The following AFP variants were observed in gnomAD, a reference collection of about 807,000 sequenced individuals.
AFP encodes alpha fetoprotein.
AFP carries 64 observed loss-of-function variants against 78.9 expected under a neutral mutation model. The ratio of observed to expected loss-of-function variants is 0.81; its 90% CI spans 0.66 to 1.00. AFP has a LOEUF of 1.00. Among genes scored for constraint, AFP ranks in the 50% least tolerant of loss-of-function variants. The pLI is 0.00. For missense variants in AFP, 689 were observed against 703.8 expected, an observed-to-expected ratio of 0.98 and a Z score of 0.24; for synonymous variants, 254 against 243.8, an observed-to-expected ratio of 1.04 and a Z score of -0.39.
intron 7 of AFP, among the ~76,000 whole-genome samples, chr4:73,445,479 T>C (rs1306561632): frequency 4.6e-5 from 7 of 152,228 alleles, no homozygotes; most frequent in East Asian, 3.8e-4. Context: ...CAAATAAATA[T>C]ATATTAAATA....
At chr4:73,442,237 G>A (rs556691548) in intron 4 of AFP, 59 bp from the exon 5 acceptor site, 8 of 1,506,238 alleles carry the variant, frequency 5.3e-6, no homozygotes, top group Non-Finnish European at 7.3e-6. Context: ...CCAGTTCCAA[G>A]CAGTAGTAGT....
chr4:73,438,430 G>T, intron 3 of AFP, 124 bp downstream of exon 3: 1 of 1,123,414 alleles, frequency 8.9e-7, no homozygotes, highest in Non-Finnish European at 1.3e-6. Flanking sequence ...TATGAAAGAG[G>T]GATTAGATTC....
At chr4:73,450,921 C>T (rs540222065) in intron 11 of AFP, among the ~76,000 whole-genome samples, 168 bp downstream of exon 11, 11 of 152,208 alleles carry the variant, frequency 7.2e-5, no homozygotes, top group Admixed American at 2.0e-4. Flanking sequence ...CTCTGGATGG[C>T]TGGCATGTGG....
At position 73,443,424 on chromosome 4, in the gene AFP, G is replaced by T. The variant is rs771479681; in HGVS notation, c.693G>T (p.Gly231=). The part of the protein sequence containing the change: ...QHACAVMKNF[G]TRTFQAITVT... ...CATGTGCAGTAATGAAAAATTTTGG[G>T]ACCCGAACTTTCCAAGCCATGTAAG... Residue 231 remains glycine, a synonymous_variant, in exon 6 of 15, where the codon GGG becomes GGT. Transcript: ENST00000395792. 5.6e-6 allele frequency: 9 copies of T among 1,612,044 alleles called. No homozygotes were observed. In the East Asian group the frequency reaches 2.0e-4, roughly 36 times the overall value.
chr4:73,447,403 T>G, intron 7 of AFP, 59 bp from the exon 8 acceptor site: 6 of 1,335,330 alleles, frequency 4.5e-6, no homozygotes, highest in African/African-American at 1.5e-5. Context: ...AAGCTGGCTT[T>G]GAGATCCTTT....
chr4:73,454,800 T>A (rs1429381857), intron 13 of AFP, among the ~76,000 whole-genome samples: 2 of 152,110 alleles, frequency 1.3e-5, no homozygotes, highest in East Asian at 3.8e-4. Context: ...GGGTGGGACA[T>A]AGATAACCAA....
intron 12 of AFP, among the ~76,000 whole-genome samples, chr4:73,453,139 T>C (rs982005956): frequency 1.3e-5 from 2 of 152,238 alleles, no homozygotes; most frequent in African/African-American, 4.8e-5. Flanking sequence ...GGAGCTTATG[T>C]TCTTCAAACT....
intron 13 of AFP, 141 bp downstream of exon 13, chr4:73,454,038 T>G: frequency 3.2e-6 from 3 of 933,460 alleles, no homozygotes; most frequent in Non-Finnish European, 4.6e-6. Context: ...ATTGAGGGAT[T>G]CTATAAGATT....
chr4:73,454,590 T>A (rs1720105989), intron 13 of AFP, among the ~76,000 whole-genome samples: 1 of 152,168 alleles, frequency 6.6e-6, no homozygotes, highest in South Asian at 2.1e-4. Flanking sequence ...TATTGCTACA[T>A]ATATTTGAAT....
Position 73,450,149 on chromosome 4 carries a change from C to T in AFP, c.1289+16C>T, listed in dbSNP as rs201034665. The stretch of plus-strand genomic sequence containing the variant: ...TACAAAATGCGTATGTTTTTGTAAA[C>T]AGTATTTTTAGTGAATTAAAATTAT... On this transcript the variant is annotated intron_variant, in intron 10 of 14. Transcript: ENST00000395792. The T allele has an allele frequency of 5.7e-6, 9 of 1,571,266 alleles. No individual in the cohort carries two copies. In the East Asian group the frequency reaches 2.0e-4, roughly 35 times the overall value.
intron 9 of AFP, 68 bp from the exon 10 acceptor site, chr4:73,449,968 C>A: frequency 9.9e-7 from 1 of 1,006,024 alleles, no homozygotes. Context: ...TAATATTGAT[C>A]AATTTTATAT....
intron 11 of AFP, among the ~76,000 whole-genome samples, chr4:73,451,282 GT>G (rs1222732606): frequency 1.3e-5 from 2 of 152,166 alleles, no homozygotes; most frequent in Non-Finnish European, 2.9e-5. Flanking sequence ...GTTCTGAATA[GT>G]AAAATGACTT....
rs1374620561 is a variant in AFP, at chr4:73,450,218, C to T, written c.1289+85C>T. The T allele has an allele frequency of 3.6e-6, 4 of 1,125,036 alleles. No individual in the cohort carries two copies. In the East Asian group the frequency reaches 7.7e-5, roughly 22 times the overall value. The allele number at this position is 1,125,036 out of a possible 1,614,324, so 69.7% of individuals were successfully genotyped here. A position where few individuals can be genotyped will look rare whatever the true frequency, so the allele number is the denominator to read the frequency against. ...CCCCATTCTCCTCCTTTGGAAGCAA[C>T]AAGAATGACCTGTGAGGTCTGATCT... On this transcript the variant is annotated intron_variant, in intron 10 of 14. Transcript: ENST00000395792.
At chr4:73,446,744 G>C (rs1719840759) in intron 7 of AFP, among the ~76,000 whole-genome samples, 1 of 151,952 alleles carries the variant, frequency 6.6e-6, no homozygotes, top group African/African-American at 2.4e-5. Flanking sequence ...TTGTTTAGGG[G>C]CAAATTTGAA....
intron 4 of AFP, among the ~76,000 whole-genome samples, chr4:73,441,125 A>G (rs1300435177): frequency 6.6e-6 from 1 of 151,710 alleles, no homozygotes; most frequent in Non-Finnish European, 1.5e-5. Flanking sequence ...GTTCAAGAAT[A>G]TATTAGTATT....
rs781592078 is a variant in AFP at position 73,443,429 on chromosome 4, G to A, written c.698G>A (p.Arg233Gln). Residue 233 changes from arginine (R) to glutamine (Q), a missense_variant, in exon 6 of 15, where the codon CGA becomes CAA. Arg to Gln is a conservative substitution (Grantham distance 43). Transcript: ENST00000395792. ...GCAGTAATGAAAAATTTTGGGACCC[G>A]AACTTTCCAAGCCATGTAAGTTCAA... ...ACAVMKNFGT[R>Q]TFQAITVTKL... 15 of 1,609,864 alleles carry A rather than the reference G, an allele frequency of 9.3e-6. No homozygotes were observed. The highest frequency in any genetic ancestry group is 3.3e-4 in the Middle Eastern group (2 of 6,058).
rs147439366 is a variant in AFP, at chr4:73,452,604, G to A, written c.1632G>A (p.Ala544=). 125 of 1,612,706 alleles carry A rather than the reference G, an allele frequency of 7.8e-5. No individual in the cohort carries two copies. The highest frequency in any genetic ancestry group is 9.4e-5 in the Non-Finnish European group (111 of 1,179,040). ...ATCTGTGCCAAGCTCAGGGTGTAGC[G>A]CTGCAAACAATGAAGCAAGAGTAAG... ...HKDLCQAQGV[A]LQTMKQEFLI... is the part of the protein sequence containing the mutation. Residue 544 remains alanine, a synonymous_variant, in exon 12 of 15, where the codon GCG becomes GCA. Coordinates refer to ENST00000395792, the MANE Select transcript of AFP (RefSeq NM_001134.3).
intron 10 of AFP, 43 bp from the exon 11 acceptor site, chr4:73,450,572 A>G (rs1719962301): frequency 6.2e-7 from 1 of 1,613,802 alleles, no homozygotes; most frequent in African/African-American, 1.3e-5. Context: ...CTAAAAACTC[A>G]TGAATGACTC....
At chr4:73,453,736 CTTG>C in intron 12 of AFP, 26 bp from the exon 13 acceptor site, 1 of 1,610,760 alleles carries the variant, frequency 6.2e-7, no homozygotes, top group Non-Finnish European at 8.5e-7. Context: ...ACAGACTTCT[CTTG>C]TATTTTGTTT....
Sources: gnomAD v4.1 joint callset for allele counts (sites outside exome capture counted in the v4.1 genomes callset) on GRCh38, gnomAD v4.1.1 for gene constraint, MANE v1.5 for transcripts, NCBI Gene and HGNC (gene_info 2026-07-23, HGNC 2026-07-21) for gene names.